HEATR5B: variants seen among roughly 807,000 people sequenced by gnomAD.
HEATR5B encodes HEAT repeat-containing protein 5B.
HEATR5B carries 156 observed loss-of-function variants against 224.1 expected under a neutral mutation model. That is an observed-to-expected ratio of 0.70 (90% CI 0.61 to 0.80). HEATR5B has a LOEUF of 0.80. HEATR5B is among the 30% of genes least tolerant of loss of function. The probability of loss-of-function intolerance (pLI) is 0.00; values close to 1 mark genes in which losing one functional copy is unlikely to be tolerated. For missense variants in HEATR5B, 2,323 were observed against 2,535.5 expected (o/e 0.92, Z 1.80); for synonymous variants, 1,027 against 893.0 (o/e 1.15, Z -2.68).
intron 30 of HEATR5B, among the ~76,000 whole-genome samples, chr2:37,004,969 G>C (rs982654203): frequency 1.3e-5 from 2 of 152,062 alleles, no homozygotes; most frequent in Admixed American, 1.3e-4. Flanking sequence ...CTGACAGAAT[G>C]ATCCTTCTGA....
chr2:37,045,108 G>A (rs867778972), intron 18 of HEATR5B, among the ~76,000 whole-genome samples: 13 of 151,972 alleles, frequency 8.6e-5, no homozygotes, highest in African/African-American at 3.1e-4. Flanking sequence ...ATCATGCTCA[G>A]GTTTTCCTGT....
intron 35 of HEATR5B, among the ~76,000 whole-genome samples, chr2:36,987,223 G>A (rs930845657): frequency 2.0e-5 from 3 of 152,106 alleles, no homozygotes; most frequent in African/African-American, 7.2e-5. Context: ...GAGGTGAGGA[G>A]TTCAAGACCA....
intron 33 of HEATR5B, among the ~76,000 whole-genome samples, chr2:36,994,090 G>A (rs1213705805): frequency 6.6e-6 from 1 of 152,116 alleles, no homozygotes; most frequent in Admixed American, 6.5e-5. Context: ...GAAGTACGTA[G>A]GAATAGAGTC....
chr2:37,083,648 T>C (rs933555113), intron 1 of HEATR5B, among the ~76,000 whole-genome samples: 2 of 152,080 alleles, frequency 1.3e-5, no homozygotes, highest in Non-Finnish European at 2.9e-5. Context: ...GAGTGACTCA[T>C]GGAGTGAAAA....
intron 33 of HEATR5B, among the ~76,000 whole-genome samples, chr2:36,998,009 C>T (rs922479030): frequency 1.3e-5 from 2 of 152,144 alleles, no homozygotes; most frequent in African/African-American, 4.8e-5. Context: ...AAACAGCTAA[C>T]CAATGTGCTT....
chr2:37,071,599 T>A (rs1246818115), intron 6 of HEATR5B, among the ~76,000 whole-genome samples: 1 of 152,202 alleles, frequency 6.6e-6, no homozygotes, highest in Non-Finnish European at 1.5e-5. Flanking sequence ...TGTGCTTATA[T>A]GTCCAGCATA....
At chr2:37,033,640 A>T (rs1669280840) in intron 21 of HEATR5B, among the ~76,000 whole-genome samples, 2 of 152,190 alleles carry the variant, frequency 1.3e-5, no homozygotes, top group Non-Finnish European at 2.9e-5. Flanking sequence ...ACTCTAAAAC[A>T]TAAAAGTATA....
chr2:37,075,496 C>T lies in HEATR5B; in HGVS notation c.586G>A (p.Ala196Thr), dbSNP rs1285942901. The part of the protein sequence containing the change: ...LTDRSMAVRC[A>T]VAKCLLELQN... ...GGTCGAGTACTAACCTTGGCCACTG[C>T]ACATCGAACAGCCATTGACCTATCA... Residue 196 changes from alanine to threonine, a missense_variant, in exon 5 of 36, where the codon GCA becomes ACA. Around this residue, in one of 12 missense-constraint regions of HEATR5B, gnomAD observed 292 missense variants for 332.6 expected, o/e 0.88. Transcript: ENST00000233099. The T allele has an allele frequency of 1.2e-6, 2 of 1,612,398 alleles. No homozygotes were observed. The highest frequency in any genetic ancestry group is 2.2e-5 in the South Asian group (2 of 90,862).
intron 9 of HEATR5B, 21 bp downstream of exon 9, chr2:37,065,734 G>A: frequency 6.3e-7 from 1 of 1,593,810 alleles, no homozygotes; most frequent in South Asian, 1.1e-5. Flanking sequence ...ACACATACTA[G>A]CAAGTAACTG....
At chr2:37,068,379 A>C (rs776107289) in intron 8 of HEATR5B, among the ~76,000 whole-genome samples, 31 of 152,190 alleles carry the variant, frequency 2.0e-4, no homozygotes, top group Non-Finnish European at 4.3e-4. Context: ...GAAAGAGGAC[A>C]ATAGATTACT....
intron 18 of HEATR5B, 51 bp downstream of exon 18, chr2:37,049,600 TAA>T: frequency 6.9e-7 from 1 of 1,453,530 alleles, no homozygotes; most frequent in Non-Finnish European, 9.6e-7. Flanking sequence ...GATTATTATT[TAA>T]AAGACATCTT....
chr2:37,084,354 T>G lies in HEATR5B; in HGVS notation c.-108A>C. The G allele has an allele frequency of 2.1e-6, 1 of 480,132 alleles. No individual in the cohort carries two copies. Among genetic ancestry groups the G allele is most frequent in the South Asian group, 1.1e-4 (1 of 8,806 alleles). 29.7% of individuals were successfully genotyped at this position (480,132 alleles called of 1,614,324 possible). On this transcript the variant is annotated 5_prime_UTR_variant, in exon 1 of 36. Coordinates refer to ENST00000233099, the MANE Select transcript of HEATR5B (RefSeq NM_019024.3). Reference sequence around the variant, plus strand: ...CCGGATGCCCCACCTCCCGCACTCCTACCTGCAGGAAACAAGGGAAGAGCG... The same window carrying G: ...CCGGATGCCCCACCTCCCGCACTCCGACCTGCAGGAAACAAGGGAAGAGCG...
intron 33 of HEATR5B, among the ~76,000 whole-genome samples, chr2:36,998,422 A>C (rs1304975195): frequency 6.6e-6 from 1 of 152,208 alleles, no homozygotes; most frequent in African/African-American, 2.4e-5. Context: ...ATGTGGGAAA[A>C]TACAGATTAT....
chr2:36,985,062 A>G (rs1054210188), intron 35 of HEATR5B, among the ~76,000 whole-genome samples: 1 of 152,202 alleles, frequency 6.6e-6, no homozygotes, highest in African/African-American at 2.4e-5. Flanking sequence ...CTTATACCGG[A>G]TACTGTAAAG....
At chr2:37,061,439 G>T (rs1453408046) in intron 11 of HEATR5B, among the ~76,000 whole-genome samples, 1 of 152,088 alleles carries the variant, frequency 6.6e-6, no homozygotes, top group African/African-American at 2.4e-5. Flanking sequence ...CTAAACATAT[G>T]AACTAAAATA....
chr2:37,071,487 T>G (rs1021323995), intron 6 of HEATR5B, among the ~76,000 whole-genome samples: 3 of 152,138 alleles, frequency 2.0e-5, no homozygotes, highest in African/African-American at 7.2e-5. Flanking sequence ...GATCTACTCA[T>G]CAGAGACAGA....
chr2:37,009,758 T>A (rs1412667296), intron 27 of HEATR5B, among the ~76,000 whole-genome samples: 2 of 151,120 alleles, frequency 1.3e-5, no homozygotes, highest in Non-Finnish European at 1.5e-5. Context: ...CATTCTACTT[T>A]ACAAAGCACC....
chr2:37,024,963 A>C (rs1668678080), intron 24 of HEATR5B, among the ~76,000 whole-genome samples: 1 of 152,218 alleles, frequency 6.6e-6, no homozygotes, highest in African/African-American at 2.4e-5. Flanking sequence ...AAGGGGACTG[A>C]GCAAAAACTT....
Position 37,014,024 on chromosome 2 carries a change from G to C in HEATR5B, c.4105-4C>G. 6.7e-7 allele frequency: 1 copy of C among 1,499,672 alleles called. No homozygotes were observed. The highest frequency in any genetic ancestry group is 9.0e-7 in the Non-Finnish European group (1 of 1,116,084). 92.9% of individuals were successfully genotyped at this position (1,499,672 alleles called of 1,614,324 possible). ...TTCCTATCCATGTACTACATACCTA[G>C]ACAAAGAGAATTCAAAAACTTTTGT... On this transcript the variant is annotated splice_polypyrimidine_tract_variant and splice_region_variant and intron_variant, in intron 26 of 35. Coordinates refer to ENST00000233099, the MANE Select transcript of HEATR5B (RefSeq NM_019024.3).
Sources: gnomAD v4.1 joint callset for allele counts (sites outside exome capture counted in the v4.1 genomes callset) on GRCh38, gnomAD v4.1.1 for gene constraint, gnomAD v4.1.1 regional missense constraint, MANE v1.5 for transcripts, NCBI Gene and HGNC (gene_info 2026-07-23, HGNC 2026-07-21) for gene names.